ANKFY1: variants seen among roughly 807,000 people sequenced by gnomAD.
The protein encoded by ANKFY1 is ankyrin repeat and FYVE domain containing 1.
Under a neutral mutation model 128.3 loss-of-function variants are expected in ANKFY1, and 47 were observed. The observed-to-expected ratio is 0.37, with a 90% confidence interval of 0.29 to 0.47. The LOEUF is 0.47. Among genes scored for constraint, ANKFY1 ranks in the 20% least tolerant of loss-of-function variants. ANKFY1 has a pLI of 1.00. For synonymous variants in ANKFY1, 553 were observed against 601.6 expected, an observed-to-expected ratio of 0.92 and a Z score of 1.18; for missense variants, 1,222 against 1,510.6, an observed-to-expected ratio of 0.81 and a Z score of 3.17.
At chr17:4,261,147 A>T (rs2143594748) in intron 1 of ANKFY1, among the ~76,000 whole-genome samples, 1 of 152,346 alleles carries the variant, frequency 6.6e-6, no homozygotes, top group East Asian at 1.9e-4. Flanking sequence ...ATCGTTTCTA[A>T]AAAGCTTAAA....
chr17:4,214,380 T>C (rs78757288), intron 4 of ANKFY1, among the ~76,000 whole-genome samples: 2,991 of 152,302 alleles, frequency 0.02, 45 homozygotes, highest in African/African-American at 0.043. Flanking sequence ...CGTAATCTTA[T>C]TTAGAAATTA....
chr17:4,255,153 C>T (rs1406196424), intron 1 of ANKFY1, among the ~76,000 whole-genome samples: 1 of 151,986 alleles, frequency 6.6e-6, no homozygotes, highest in Non-Finnish European at 1.5e-5. Flanking sequence ...TCTAGATTCA[C>T]ATCACCCTGG....
chr17:4,179,734 T>G lies in ANKFY1; in HGVS notation c.2384A>C (p.Asn795Thr). 6.2e-7 allele frequency: 1 copy of G among 1,614,172 alleles called. No individual in the cohort carries two copies. Among genetic ancestry groups the G allele is most frequent in the South Asian group, 1.1e-5 (1 of 91,088 alleles). Residue 795 changes from asparagine to threonine, a missense_variant, in exon 17 of 25, where the codon AAC becomes ACC. By Grantham distance (65) the Asn-to-Thr change is moderately conservative. Coordinates refer to ENST00000341657, the MANE Select transcript of ANKFY1 (RefSeq NM_001330063.2). ...TVQCLLEFGA[N>T]VNAQDAEGRT... Reference sequence around the variant, plus strand: ...GAAACGACACACCTGTGCGTTCACGTTGGCACCAAACTCCAGAAGACACTG... The same window carrying G: ...GAAACGACACACCTGTGCGTTCACGGTGGCACCAAACTCCAGAAGACACTG...
rs144324318 is a variant in ANKFY1, at chr17:4,206,275, A to C, written c.898+46T>G. The C allele has an allele frequency of 1.1e-4, 170 of 1,592,332 alleles. No individual in the cohort carries two copies. The East Asian group carries it at 2.8e-3, about 26-fold the overall frequency. On this transcript the variant is annotated intron_variant, in intron 7 of 24. Transcript: ENST00000341657. Reference sequence around the variant, plus strand: ...CAGAAAGTCTTCAAAAATTACTCGGATAAAAATAAAATTGCCTGCAGGGAA... The same window carrying C: ...CAGAAAGTCTTCAAAAATTACTCGGCTAAAAATAAAATTGCCTGCAGGGAA...
intron 7 of ANKFY1, among the ~76,000 whole-genome samples, chr17:4,205,703 C>A (rs2060010656): frequency 6.7e-6 from 1 of 150,266 alleles, no homozygotes; most frequent in South Asian, 2.1e-4. Flanking sequence ...GATCGCACCA[C>A]TGCACTCCAG....
intron 1 of ANKFY1, 161 bp downstream of exon 1, chr17:4,263,771 C>T (rs759590702): frequency 6.4e-7 from 1 of 1,555,024 alleles, no homozygotes; most frequent in Non-Finnish European, 8.6e-7. Context: ...CTCCGGACCC[C>T]GGCCCGAGAA....
chr17:4,175,036 A>G (rs2059387667), intron 19 of ANKFY1, among the ~76,000 whole-genome samples: 1 of 149,860 alleles, frequency 6.7e-6, no homozygotes, highest in Non-Finnish European at 1.5e-5. Flanking sequence ...CCTGTTTTTT[A>G]AAAGAAAGAA....
At position 4,164,862 on chromosome 17, in the gene ANKFY1, G is replaced by C. The variant is rs1170691425; in HGVS notation, c.*2917C>G. ...AGAACGGGGTGGTCAGAAATGACTCGGGGCTCTGAGGTAGAGGACTAAAGG... is the reference window on the plus strand; with the variant it reads ...AGAACGGGGTGGTCAGAAATGACTCCGGGCTCTGAGGTAGAGGACTAAAGG... On this transcript the variant is annotated 3_prime_UTR_variant, in exon 25 of 25. Coordinates refer to ENST00000341657, the MANE Select transcript of ANKFY1 (RefSeq NM_001330063.2). The C allele has an allele frequency of 6.6e-6, 1 of 152,602 alleles. No individual in the cohort carries two copies. Among genetic ancestry groups the C allele is most frequent in the Non-Finnish European group, 1.5e-5 (1 of 68,066 alleles). The allele number at this position is 152,602 out of a possible 1,614,324, so 9.5% of individuals were successfully genotyped here.
intron 11 of ANKFY1, chr17:4,186,839 G>C: frequency 1.0e-6 from 1 of 1,001,568 alleles, no homozygotes; most frequent in Non-Finnish European, 1.2e-6. Context: ...TCAAACCCAG[G>C]TCTCCAGCCC....
At chr17:4,256,667 T>C (rs1002856345) in intron 1 of ANKFY1, among the ~76,000 whole-genome samples, 4 of 152,122 alleles carry the variant, frequency 2.6e-5, no homozygotes, top group East Asian at 1.9e-4. Context: ...AAACCTGGTA[T>C]AACTAGAAAG....
At chr17:4,254,156 T>C (rs1967989396) in intron 1 of ANKFY1, among the ~76,000 whole-genome samples, 1 of 151,436 alleles carries the variant, frequency 6.6e-6, no homozygotes, top group Non-Finnish European at 1.5e-5. Context: ...ATACAAAAAT[T>C]AGCCAGGTGT....
chr17:4,216,789 C>T, intron 4 of ANKFY1, 194 bp downstream of exon 4: 2 of 693,362 alleles, frequency 2.9e-6, no homozygotes, highest in Admixed American at 2.3e-5. Flanking sequence ...AAGAGAATAG[C>T]AAAAGCTTTA....
Position 4,225,199 on chromosome 17 carries a change from T to C in ANKFY1, c.323-8081A>G, listed in dbSNP as rs191885328. ...TGGCAAAACCCCCTCTCTACTAAAA[T>C]TACAAAAAGTAGCCGAGCGTAGTGG... On this transcript the variant is annotated intron_variant, in intron 3 of 24. Transcript: ENST00000341657. Among the ~76,000 whole-genome samples the C allele has an allele frequency of 2.2e-4, 33 of 152,036 alleles. 1 individual carries two copies. In the East Asian group the frequency reaches 4.1e-3, roughly 19 times the overall value.
chr17:4,212,770 C>CT (rs35264086), intron 4 of ANKFY1, among the ~76,000 whole-genome samples: 41,231 of 130,810 alleles, frequency 0.32, 7,201 homozygotes, highest in Admixed American at 0.38. Context: ...GCAGAACACA[C>CT]TTTTTTTTTT....
At chr17:4,260,618 C>CAAAAAAA (rs60030304) in intron 1 of ANKFY1, among the ~76,000 whole-genome samples, 2 of 65,068 alleles carry the variant, frequency 3.1e-5, no homozygotes, top group Non-Finnish European at 2.7e-5. Flanking sequence ...ATCCTGTCTC[C>CAAAAAAA]AAAAAAAAAA....
Position 4,169,105 on chromosome 17 carries a change from C to T in ANKFY1, c.3377+93G>A, listed in dbSNP as rs1000199379. The T allele has an allele frequency of 7.4e-6, 9 of 1,214,462 alleles. No homozygotes were observed. In the African/African-American group the frequency reaches 1.4e-4, roughly 18 times the overall value. The allele number at this position is 1,214,462 out of a possible 1,614,324, so 75.2% of individuals were successfully genotyped here. The stretch of plus-strand genomic sequence containing the variant: ...AGGTTTGCCCATCAATGTGCAGGAC[C>T]CAGGCAAGTTCACGGCCTGTCCTGG... On this transcript the variant is annotated intron_variant, in intron 24 of 24. Transcript: ENST00000341657. The surrounding 1 kb of genome is among the most constrained non-coding windows in gnomAD (Gnocchi z 5.0).
At chr17:4,172,132 C>T (rs1362052996) in intron 22 of ANKFY1, among the ~76,000 whole-genome samples, 7 of 152,154 alleles carry the variant, frequency 4.6e-5, no homozygotes, top group Non-Finnish European at 8.8e-5. Context: ...TAAGAAGGCA[C>T]CCCGTGTATC....
rs747103792 is a variant in ANKFY1, at chr17:4,183,407, A to T, written c.1943T>A (p.Ile648Lys). 6.8e-6 allele frequency: 11 copies of T among 1,613,658 alleles called. No homozygotes were observed. In the East Asian group the frequency reaches 1.3e-4, roughly 20 times the overall value. Residue 648 changes from isoleucine to lysine, a missense_variant, in exon 14 of 25, where the codon ATA (isoleucine) becomes AAA (lysine). By Grantham distance (102) the Ile-to-Lys change is moderately radical (BLOSUM62 -3). Transcript: ENST00000341657. ...AGCGGCTTCCTCCTACCTGACATTT[A>T]TATCTGCCTGGTGCTCCAGCAGGAA... ...ALFLLEHQAD[I>K]NVRTQDGETA...
Position 4,181,488 on chromosome 17 carries a change from TAATA to T in ANKFY1, c.2122-120_2122-117del, listed in dbSNP as rs2059515936. Reference sequence around the variant, plus strand: ...CCACTTTCAGATAAGATACGGTTGATAATAAATTGATAATTACTTTAATCTGTAT... The same window carrying T: ...CCACTTTCAGATAAGATACGGTTGATAATTGATAATTACTTTAATCTGTAT... On this transcript the variant is annotated intron_variant, in intron 15 of 24. Coordinates refer to ENST00000341657, the MANE Select transcript of ANKFY1 (RefSeq NM_001330063.2). This position sits in a 1 kb window ranked among gnomAD's most constrained non-coding sequence, Gnocchi z 4.9. 1.4e-6 allele frequency: 1 copy of T among 705,484 alleles called. No individual in the cohort carries two copies. The highest frequency in any genetic ancestry group is 2.3e-5 in the Admixed American group (1 of 43,300). The allele number at this position is 705,484 out of a possible 1,614,324, so 43.7% of individuals were successfully genotyped here. A position where few individuals can be genotyped will look rare whatever the true frequency, so the allele number is the denominator to read the frequency against.
Sources: gnomAD v4.1 joint callset for allele counts (sites outside exome capture counted in the v4.1 genomes callset) on GRCh38, gnomAD v4.1.1 for gene constraint, Gnocchi (gnomAD v3.1) non-coding constraint, MANE v1.5 for transcripts, NCBI Gene and HGNC (gene_info 2026-07-23, HGNC 2026-07-21) for gene names.